The following ZNF91 variants were observed in gnomAD, a reference collection of about 807,000 sequenced individuals.
The protein encoded by ZNF91 is zinc finger protein 91 (HPF7, HTF10).
Under a neutral mutation model 12.6 loss-of-function variants are expected in ZNF91, and 7 were observed. That is an observed-to-expected ratio of 0.55 (90% CI 0.31 to 1.04). The LOEUF (loss-of-function observed/expected upper bound fraction) is 1.04, where lower values mean the gene tolerates loss of function less well. ZNF91 is among the 50% of genes least tolerant of loss of function. The pLI is 0.05. For synonymous variants in ZNF91, 453 were observed against 462.6 expected (o/e 0.98, Z 0.27); for missense variants, 1,217 against 1,385.4 (o/e 0.88, Z 1.93).
intron 1 of ZNF91, among the ~76,000 whole-genome samples, chr19:23,310,059 T>A (rs1320286470): frequency 6.6e-6 from 1 of 152,182 alleles, no homozygotes; most frequent in South Asian, 2.1e-4. Context: ...GACTCTCCTA[T>A]CTGGACCCAG....
chr19:23,381,334 T>C (rs574814417), intron 1 of ZNF91, among the ~76,000 whole-genome samples: 1 of 152,320 alleles, frequency 6.6e-6, no homozygotes, highest in Admixed American at 6.5e-5. Context: ...TACTATTGAA[T>C]GTATATGAAT....
Position 23,357,798 on chromosome 19 carries a change from T to C in ZNF91, c.*1605A>G, listed in dbSNP as rs936247009. The C allele has an allele frequency of 6.6e-6, 1 of 152,192 alleles. No homozygotes were observed. Among genetic ancestry groups the C allele is most frequent in the Non-Finnish European group, 1.5e-5 (1 of 68,024 alleles). 9.4% of individuals were successfully genotyped at this position (152,192 alleles called of 1,614,324 possible). A position where few individuals can be genotyped will look rare whatever the true frequency, so the allele number is the denominator to read the frequency against. ...GTACATTTAAAAATAACTAAAACTG[T>C]AGAATTGAATTATTTGTAATACAAA... On this transcript the variant is annotated 3_prime_UTR_variant, in exon 4 of 4. Coordinates refer to ENST00000300619, the MANE Select transcript of ZNF91 (RefSeq NM_003430.4).
intron 1 of ZNF91, chr19:23,380,232 A>C (rs1189286524): frequency 7.6e-6 from 1 of 132,424 alleles, no homozygotes; most frequent in Non-Finnish European, 1.5e-5. Context: ...GCACCATTGC[A>C]CTCTGGCCTG....
intron 1 of ZNF91, among the ~76,000 whole-genome samples, chr19:23,390,008 C>A (rs1241116771): frequency 1.3e-5 from 2 of 152,138 alleles, no homozygotes; most frequent in Non-Finnish European, 2.9e-5. Context: ...GTCATATTTA[C>A]CATTTTCACA....
chr19:23,320,739 A>G (rs1967672726), intron 1 of ZNF91, among the ~76,000 whole-genome samples: 1 of 152,234 alleles, frequency 6.6e-6, no homozygotes, highest in African/African-American at 2.4e-5. Context: ...GGTGGTACAG[A>G]GAGTGTACTA....
At chr19:23,384,749 AC>A in intron 1 of ZNF91, 2 of 628,000 alleles carry the variant, frequency 3.2e-6, no homozygotes, top group Non-Finnish European at 5.9e-6. Flanking sequence ...GAGAAAGCAC[AC>A]CTGGGTCAGC....
At chr19:23,355,204 C>G (rs190789871), downstream of ZNF91, among the ~76,000 whole-genome samples, 1 of 152,188 alleles carries the variant, frequency 6.6e-6, no homozygotes, top group African/African-American at 2.4e-5. Context: ...TACCTGATTT[C>G]AAACTATACT....
At chr19:23,366,408 GATAA>G (rs1165961372) in intron 3 of ZNF91, among the ~76,000 whole-genome samples, 11 of 152,134 alleles carry the variant, frequency 7.2e-5, no homozygotes, top group African/African-American at 2.7e-4. Context: ...TCCCATTTTC[GATAA>G]ATAGAAGATT....
intron 1 of ZNF91, among the ~76,000 whole-genome samples, chr19:23,333,081 GA>G (rs1967952794): frequency 6.6e-6 from 1 of 152,146 alleles, no homozygotes; most frequent in African/African-American, 2.4e-5. Flanking sequence ...GATCATGGGG[GA>G]CTCTCTTATC....
chr19:23,372,852 G>C (rs1969341207), intron 3 of ZNF91, among the ~76,000 whole-genome samples: 1 of 152,170 alleles, frequency 6.6e-6, no homozygotes, highest in African/African-American at 2.4e-5. Flanking sequence ...TCTTGTACTA[G>C]ATGAAAGCCA....
chr19:23,384,596 A>C lies in ZNF91; in HGVS notation c.31-9832T>G, dbSNP rs557496227. 2.4e-5 allele frequency: 24 copies of C among 1,018,626 alleles called. No homozygotes were observed. In the African/African-American group the frequency reaches 4.0e-4, roughly 17 times the overall value. 63.1% of individuals were successfully genotyped at this position (1,018,626 alleles called of 1,614,324 possible). A position where few individuals can be genotyped will look rare whatever the true frequency, so the allele number is the denominator to read the frequency against. On this transcript the variant is annotated intron_variant, in intron 1 of 3. Transcript: ENST00000300619. ...CAAGAAAGGAAAGAAATTTAAACTG[A>C]GACATTCTGTCTCCCGATATCATCA... is the stretch of plus-strand genomic sequence containing the variant.
At chr19:23,355,344 A>G (rs558483536), downstream of ZNF91, among the ~76,000 whole-genome samples, 15 of 152,322 alleles carry the variant, frequency 9.8e-5, no homozygotes, top group South Asian at 2.9e-3. Flanking sequence ...AAACAAAAAC[A>G]TAAAGTGGGG....
In ZNF91 at chr19:23,359,254, GCT is replaced by G. The variant is rs1555738004; in HGVS notation, c.*147_*148del. On this transcript the variant is annotated 3_prime_UTR_variant, in exon 4 of 4. Transcript: ENST00000300619. The stretch of plus-strand genomic sequence containing the variant: ...TTTTTTTTTTTTGAGACGGAGTCTC[GCT>G]CTGTCGCCCAGGCTTGAGTGCAGTG... The G allele has an allele frequency of 1.3e-5, 5 of 387,182 alleles. 1 individual carries two copies. Among genetic ancestry groups the G allele is most frequent in the Non-Finnish European group, 2.4e-5 (5 of 210,878 alleles). The allele number at this position is 387,182 out of a possible 1,614,324, so 24.0% of individuals were successfully genotyped here.
chr19:23,353,557 A>G (rs1275153228), downstream of ZNF91, among the ~76,000 whole-genome samples: 1 of 152,210 alleles, frequency 6.6e-6, no homozygotes, highest in African/African-American at 2.4e-5. Context: ...TAGAGAAACA[A>G]GAACAAACCA....
chr19:23,360,215 G>C lies in ZNF91; in HGVS notation c.2764C>G (p.Pro922Ala), dbSNP rs370526137. Residue 922 changes from proline (P) to alanine (A), a missense_variant, in exon 4 of 4, where the codon CCT becomes GCT. By Grantham distance (27) the Pro-to-Ala change is conservative. Transcript: ENST00000300619. ...CEECGKAFSQ[P>A]SHLTTHKRMH... ...CTCTTATGTGTAGTAAGGTGTGAAG[G>C]CTGGCTAAATGCTTTGCCACATTCT... 7 of 1,596,348 alleles carry C rather than the reference G, an allele frequency of 4.4e-6. No homozygotes were observed. The African/African-American group carries it at 9.9e-5, about 23-fold the overall frequency.
chr19:23,379,201 C>A (rs973248660), intron 1 of ZNF91, among the ~76,000 whole-genome samples: 2 of 152,154 alleles, frequency 1.3e-5, no homozygotes, highest in African/African-American at 4.8e-5. Flanking sequence ...GAAAATGAAA[C>A]TACCAAATAG....
At chr19:23,385,896 C>T (rs1969853464) in intron 1 of ZNF91, among the ~76,000 whole-genome samples, 1 of 151,960 alleles carries the variant, frequency 6.6e-6, no homozygotes, top group South Asian at 2.1e-4. Context: ...TGGTAAGATA[C>T]AGGCAAAGTA....
In ZNF91 at chr19:23,360,352, T is replaced by C; in HGVS notation, c.2627A>G (p.His876Arg). 6.2e-7 allele frequency: 1 copy of C among 1,614,136 alleles called. No individual in the cohort carries two copies. The highest frequency in any genetic ancestry group is 8.5e-7 in the Non-Finnish European group (1 of 1,180,008). Reference sequence around the variant, plus strand: ...ACTCTTGGAAGGTTTCTCTTTAGTATGAATTATCTTATGTGTCGTAAGATT... The same window carrying C: ...ACTCTTGGAAGGTTTCTCTTTAGTACGAATTATCTTATGTGTCGTAAGATT... ...SSNLTTHKIIHTKEKPSKSEE... is the reference protein window; with the variant it reads ...SSNLTTHKIIRTKEKPSKSEE... Residue 876 changes from histidine to arginine, a missense_variant, in exon 4 of 4, where the codon CAT (histidine) becomes CGT (arginine). This residue lies in a region of ZNF91 where 491 missense variants were observed against 489.8 expected (regional missense o/e 1.00). Coordinates refer to ENST00000300619, the MANE Select transcript of ZNF91 (RefSeq NM_003430.4).
chr19:23,358,995 A>C lies in ZNF91; in HGVS notation c.*408T>G, dbSNP rs184008634. 2.5e-5 allele frequency: 12 copies of C among 477,532 alleles called. No individual in the cohort carries two copies. The highest frequency in any genetic ancestry group is 4.5e-5 in the Non-Finnish European group (11 of 245,958). 29.6% of individuals were successfully genotyped at this position (477,532 alleles called of 1,614,324 possible). On this transcript the variant is annotated 3_prime_UTR_variant, in exon 4 of 4. Transcript: ENST00000300619. ...TTATCTTATCTGTAGTAAGGTGTGA[A>C]AACTGGTTAAAGGCTTTGCCAAATT...
Sources: gnomAD v4.1 joint callset for allele counts (sites outside exome capture counted in the v4.1 genomes callset) on GRCh38, gnomAD v4.1.1 for gene constraint, gnomAD v4.1.1 regional missense constraint, MANE v1.5 for transcripts, NCBI Gene and HGNC (gene_info 2026-07-23, HGNC 2026-07-21) for gene names.